The following CCDC69 variants were observed in gnomAD, a reference collection of about 807,000 sequenced individuals.
CCDC69 encodes the protein coiled-coil domain-containing protein 69.
A neutral mutation model predicts 40.3 loss-of-function variants in CCDC69; 38 were observed. The ratio of observed to expected loss-of-function variants is 0.94; its 90% CI spans 0.73 to 1.24. The LOEUF (loss-of-function observed/expected upper bound fraction) is 1.24, where lower values mean the gene tolerates loss of function less well. CCDC69 is among the 50% of genes most tolerant of loss of function. CCDC69 has a pLI of 0.00. For synonymous variants in CCDC69, 141 were observed against 138.9 expected (o/e 1.02, Z -0.11); for missense variants, 389 against 357.9 (o/e 1.09, Z -0.70).
intron 5 of CCDC69, 26 bp downstream of exon 5, chr5:151,187,360 G>T: frequency 6.2e-7 from 1 of 1,607,426 alleles, no homozygotes; most frequent in Non-Finnish European, 8.5e-7. Context: ...CCTTATCCAA[G>T]ACTGACACGA....
chr5:151,187,343 C>A, intron 5 of CCDC69, 43 bp downstream of exon 5: 3 of 1,573,224 alleles, frequency 1.9e-6, no homozygotes, highest in Non-Finnish European at 2.6e-6. Flanking sequence ...CATTGGTCCT[C>A]ACTTACCCTT....
intron 5 of CCDC69, 65 bp from the exon 6 acceptor site, chr5:151,186,189 C>T (rs1752512158): frequency 1.8e-6 from 2 of 1,116,572 alleles, no homozygotes; most frequent in Non-Finnish European, 2.8e-6. Flanking sequence ...GTGAACTTCG[C>T]CACATCCCAG....
At chr5:151,213,412 A>T (rs867698085) in intron 1 of CCDC69, among the ~76,000 whole-genome samples, 1 of 144,086 alleles carries the variant, frequency 6.9e-6, no homozygotes, top group Non-Finnish European at 1.5e-5. Flanking sequence ...ATGTCCGGCT[A>T]TTTTTTTTTT....
At chr5:151,208,471 G>A (rs1202421025) in intron 1 of CCDC69, among the ~76,000 whole-genome samples, 1 of 152,210 alleles carries the variant, frequency 6.6e-6, no homozygotes, top group Non-Finnish European at 1.5e-5. Context: ...AGCCCCTGGA[G>A]GACTGAGGGA....
intron 2 of CCDC69, among the ~76,000 whole-genome samples, chr5:151,202,891 C>T (rs1347926730): frequency 2.6e-5 from 4 of 152,070 alleles, no homozygotes; most frequent in Non-Finnish European, 5.9e-5. Flanking sequence ...ATGAGTGAGG[C>T]TGAGATGATT....
intron 1 of CCDC69, among the ~76,000 whole-genome samples, chr5:151,213,403 T>C (rs966902963): frequency 5.0e-5 from 7 of 140,078 alleles, no homozygotes; most frequent in East Asian, 2.3e-4. Context: ...CCCACCACCA[T>C]GTCCGGCTAT....
intron 1 of CCDC69, among the ~76,000 whole-genome samples, chr5:151,209,653 C>G (rs1359579804): frequency 1.3e-5 from 2 of 151,908 alleles, no homozygotes; most frequent in Non-Finnish European, 2.9e-5. Flanking sequence ...GATCAGGGCT[C>G]ACTGCAACCT....
At chr5:151,191,985 T>G (rs905708474) in intron 4 of CCDC69, among the ~76,000 whole-genome samples, 12 of 148,472 alleles carry the variant, frequency 8.1e-5, no homozygotes, top group Admixed American at 6.1e-4. Context: ...CTCAGGAGGC[T>G]GAGGTGGGAA....
At chr5:151,215,514 G>T (rs900296929) in intron 1 of CCDC69, 4 of 276,588 alleles carry the variant, frequency 1.4e-5, no homozygotes, top group Non-Finnish European at 2.4e-5. Flanking sequence ...CAGGGCAGAG[G>T]CAGTTTGACA....
At chr5:151,198,469 ACT>A (rs1230578688) in intron 4 of CCDC69, among the ~76,000 whole-genome samples, 12 of 152,036 alleles carry the variant, frequency 7.9e-5, no homozygotes, top group African/African-American at 2.9e-4. Context: ...TCCACCTTGG[ACT>A]CTCAAAGTGC....
chr5:151,194,506 G>T (rs747518693), intron 4 of CCDC69, among the ~76,000 whole-genome samples: 1 of 152,170 alleles, frequency 6.6e-6, no homozygotes, highest in Non-Finnish European at 1.5e-5. Flanking sequence ...CAGGGGTTAG[G>T]GTGGGAGAAG....
chr5:151,198,320 A>G (rs1752729694), intron 4 of CCDC69, among the ~76,000 whole-genome samples: 1 of 151,966 alleles, frequency 6.6e-6, no homozygotes, highest in Non-Finnish European at 1.5e-5. Flanking sequence ...CTATCTATCT[A>G]TCTATCTATC....
At chr5:151,220,119 A>G (rs1274473291) in intron 1 of CCDC69, among the ~76,000 whole-genome samples, 1 of 152,188 alleles carries the variant, frequency 6.6e-6, no homozygotes. Context: ...TCAACCTTCC[A>G]AGAACACTAA....
intron 4 of CCDC69, among the ~76,000 whole-genome samples, chr5:151,192,464 A>G (rs1752627971): frequency 6.6e-6 from 1 of 151,748 alleles, no homozygotes; most frequent in Non-Finnish European, 1.5e-5. Flanking sequence ...AAAAATGACC[A>G]AAACTCACCC....
At chr5:151,211,517 G>GC (rs1554090010) in intron 1 of CCDC69, among the ~76,000 whole-genome samples, 2 of 125,716 alleles carry the variant, frequency 1.6e-5, no homozygotes, top group African/African-American at 6.2e-5. Context: ...ATTTGCATCT[G>GC]CTTTTTTTTT....
intron 4 of CCDC69, among the ~76,000 whole-genome samples, chr5:151,188,614 A>G (rs1396613550): frequency 6.6e-6 from 1 of 151,818 alleles, no homozygotes; most frequent in Non-Finnish European, 1.5e-5. Flanking sequence ...AAAAAAAAGA[A>G]GAAAAAAATA....
At chr5:151,194,904 A>C in intron 4 of CCDC69, among the ~76,000 whole-genome samples, 1 of 151,596 alleles carries the variant, frequency 6.6e-6, no homozygotes, top group East Asian at 1.9e-4. Flanking sequence ...AAAAAAAAAA[A>C]AAAAAAAGAA....
At chr5:151,187,241 G>A in intron 5 of CCDC69, 145 bp downstream of exon 5, 1 of 652,482 alleles carries the variant, frequency 1.5e-6, no homozygotes, top group Non-Finnish European at 2.7e-6. Flanking sequence ...TACATCAAGG[G>A]GCCTGGATAC....
intron 4 of CCDC69, among the ~76,000 whole-genome samples, chr5:151,188,234 C>A (rs1395249677): frequency 6.6e-6 from 1 of 152,022 alleles, no homozygotes; most frequent in Non-Finnish European, 1.5e-5. Flanking sequence ...AATCAACGGG[C>A]AGAATGGGAA....
Sources: gnomAD v4.1 joint callset for allele counts (sites outside exome capture counted in the v4.1 genomes callset) on GRCh38, gnomAD v4.1.1 for gene constraint, MANE v1.5 for transcripts, NCBI Gene and HGNC (gene_info 2026-07-23, HGNC 2026-07-21) for gene names.